Variants in PRKCH observed in about 807,000 individuals in gnomAD.
PRKCH encodes the protein protein kinase C eta type.
PRKCH carries 28 observed loss-of-function variants against 82.5 expected under a neutral mutation model. The ratio of observed to expected loss-of-function variants is 0.34; its 90% CI spans 0.25 to 0.47. The LOEUF (loss-of-function observed/expected upper bound fraction) is 0.47. Among genes scored for constraint, PRKCH ranks in the 20% least tolerant of loss-of-function variants. The pLI, the probability that PRKCH is intolerant of heterozygous loss-of-function variation, is 1.00. For missense variants in PRKCH, 705 were observed against 881.8 expected, an observed-to-expected ratio of 0.80 and a Z score of 2.54; for synonymous variants, 322 against 327.4, an observed-to-expected ratio of 0.98 and a Z score of 0.18.
At chr14:61,283,375 T>C (rs1181752738) in intron 1 of PRKCH, among the ~76,000 whole-genome samples, 2 of 152,108 alleles carry the variant, frequency 1.3e-5, no homozygotes, top group East Asian at 3.9e-4. Context: ...GTCAGCAGAG[T>C]TAAACACAGC....
At chr14:61,498,893 G>A (rs1396461196) in intron 10 of PRKCH, among the ~76,000 whole-genome samples, 1 of 152,116 alleles carries the variant, frequency 6.6e-6, no homozygotes, top group Non-Finnish European at 1.5e-5. Context: ...CACGTGTTTG[G>A]GGTTTTCAGT....
At position 61,239,878 on chromosome 14, in the gene PRKCH, A is replaced by G. The variant is rs191582299; in HGVS notation, c.-19+52210A>G. 1.2e-3 allele frequency among the ~76,000 whole-genome samples: 183 copies of G among 152,350 alleles called. 1 individual carries two copies. The highest frequency in any genetic ancestry group is 4.2e-3 in the African/African-American group (173 of 41,586). On this transcript the variant is annotated intron_variant, in intron 1 of 3. Transcript: ENST00000555185. ...TGAAGTCTGCACTGGGGGTAGCATCAAGATCTGACCCAGCACTGTCTTTTG... is the reference window on the plus strand; with the variant it reads ...TGAAGTCTGCACTGGGGGTAGCATCGAGATCTGACCCAGCACTGTCTTTTG...
intron 1 of PRKCH, among the ~76,000 whole-genome samples, chr14:61,229,774 G>A (rs1294231190): frequency 6.6e-6 from 1 of 152,120 alleles, no homozygotes; most frequent in African/African-American, 2.4e-5. Context: ...CCCATCGATA[G>A]AAATGGGCTC....
chr14:61,506,130 G>A (rs1434749729), intron 10 of PRKCH, among the ~76,000 whole-genome samples: 1 of 152,106 alleles, frequency 6.6e-6, no homozygotes, highest in Non-Finnish European at 1.5e-5. Flanking sequence ...GAAAAAGAGA[G>A]CAGCATTAGA....
chr14:61,530,372 A>T, intron 11 of PRKCH, 35 bp from the exon 12 acceptor site: 1 of 1,474,416 alleles, frequency 6.8e-7, no homozygotes, highest in Non-Finnish European at 9.0e-7. Flanking sequence ...AATCTGATGT[A>T]TGAACCACCT....
intron 1 of PRKCH, among the ~76,000 whole-genome samples, chr14:61,384,900 G>A (rs1328330360): frequency 6.6e-6 from 1 of 152,090 alleles, no homozygotes; most frequent in East Asian, 1.9e-4. Context: ...GTAAATTTAG[G>A]TGTAAGTTAC....
chr14:61,523,787 G>T (rs1437018266), intron 10 of PRKCH, among the ~76,000 whole-genome samples: 1 of 152,136 alleles, frequency 6.6e-6, no homozygotes, highest in Non-Finnish European at 1.5e-5. Flanking sequence ...GGGTATCAAA[G>T]TTGTACTCTA....
chr14:61,296,864 A>G (rs1055546982), intron 1 of PRKCH, among the ~76,000 whole-genome samples: 2 of 152,238 alleles, frequency 1.3e-5, no homozygotes, highest in African/African-American at 4.8e-5. Context: ...CATATAAGTT[A>G]TGGTTTCAGG....
intron 2 of PRKCH, among the ~76,000 whole-genome samples, chr14:61,431,721 C>G (rs1883404990): frequency 6.6e-6 from 1 of 152,190 alleles, no homozygotes; most frequent in Non-Finnish European, 1.5e-5. Context: ...CTTTAAAGCT[C>G]TGCTACTGAA....
At chr14:61,304,146 A>G (rs961648585) in intron 1 of PRKCH, 1 of 152,078 alleles carries the variant, frequency 6.6e-6, no homozygotes, top group African/African-American at 2.4e-5. Flanking sequence ...CAATAGTACA[A>G]TTTTGTTAAC....
At position 61,443,164 on chromosome 14, in the gene PRKCH, G is replaced by A; in HGVS notation, c.481G>A (p.Ala161Thr). 6.2e-7 allele frequency: 1 copy of A among 1,614,026 alleles called. No homozygotes were observed. Among genetic ancestry groups the A allele is most frequent in the Non-Finnish European group, 8.5e-7 (1 of 1,179,944 alleles). The change falls in exon 3 of 14, where the codon GCT (alanine) becomes ACT (threonine). Residue 161 changes from alanine (A) to threonine (T), a missense_variant. Ala to Thr is a moderately conservative substitution (Grantham distance 58). This residue lies in a region of PRKCH where 246 missense variants were observed against 308.0 expected (regional missense o/e 0.80). Transcript: ENST00000332981. ...FKHFTRKRQR[A>T]MRRRVHQING... ...ACATTTTACCAGGAAGCGCCAAAGGGCTATGCGAAGGCGAGTCCACCAGAT... is the reference window on the plus strand; with the variant it reads ...ACATTTTACCAGGAAGCGCCAAAGGACTATGCGAAGGCGAGTCCACCAGAT...
intron 2 of PRKCH, among the ~76,000 whole-genome samples, chr14:61,432,071 T>C (rs1336405930): frequency 2.8e-4 from 42 of 147,558 alleles, no homozygotes; most frequent in East Asian, 7.8e-4. Flanking sequence ...CTCTCTCTTT[T>C]TTTTTTTTTT....
chr14:61,316,776 T>G (rs187421330), upstream of PRKCH, among the ~76,000 whole-genome samples: 4 of 152,280 alleles, frequency 2.6e-5, no homozygotes, highest in Admixed American at 2.6e-4. Context: ...GAGATTAATT[T>G]TGAGATGCTG....
chr14:61,302,680 A>G (rs2045456419), intron 1 of PRKCH, among the ~76,000 whole-genome samples: 1 of 152,106 alleles, frequency 6.6e-6, no homozygotes, highest in African/African-American at 2.4e-5. Context: ...AATATTTGGG[A>G]GTTTTAAGAT....
At chr14:61,496,172 A>T (rs886223476) in intron 10 of PRKCH, among the ~76,000 whole-genome samples, 19 of 152,214 alleles carry the variant, frequency 1.2e-4, no homozygotes, top group African/African-American at 4.6e-4. Flanking sequence ...TGCAATACAG[A>T]ATGCTAACCA....
chr14:61,450,528 G>A (rs1943906419), intron 5 of PRKCH, among the ~76,000 whole-genome samples: 1 of 152,176 alleles, frequency 6.6e-6, no homozygotes, highest in African/African-American at 2.4e-5. Flanking sequence ...AATAGATGGG[G>A]GTGTTAGGGG....
intron 2 of PRKCH, among the ~76,000 whole-genome samples, chr14:61,425,727 G>C (rs1883070341): frequency 6.6e-6 from 1 of 152,196 alleles, no homozygotes; most frequent in African/African-American, 2.4e-5. Flanking sequence ...AAAGATATGA[G>C]ATTTGGGAAG....
chr14:61,528,962 A>ACG (rs1169181545), intron 10 of PRKCH, 113 bp from the exon 11 acceptor site: 2 of 932,438 alleles, frequency 2.1e-6, no homozygotes, highest in Non-Finnish European at 1.4e-6. Flanking sequence ...ATGCGGCCGC[A>ACG]TGTGGCCGCA....
chr14:61,455,265 C>T (rs1884710025), intron 7 of PRKCH, among the ~76,000 whole-genome samples: 1 of 150,732 alleles, frequency 6.6e-6, no homozygotes, highest in Non-Finnish European at 1.5e-5. Flanking sequence ...TGGTCTCGAT[C>T]TCCTGACCTT....
Sources: allele counts gnomAD v4.1 joint callset (sites outside exome capture counted in the v4.1 genomes callset), GRCh38; gene constraint gnomAD v4.1.1; regional missense constraint gnomAD v4.1.1; transcripts MANE v1.5; gene names NCBI Gene and HGNC (gene_info 2026-07-23, HGNC 2026-07-21).